Variants in UBA2 observed in about 807,000 individuals in gnomAD.
The protein encoded by UBA2 is SUMO-activating enzyme subunit 2.
Under a neutral mutation model 77.2 loss-of-function variants are expected in UBA2, and 11 were observed. The ratio of observed to expected loss-of-function variants is 0.14; its 90% confidence interval spans 0.09 to 0.24. UBA2 has a LOEUF of 0.24. Among genes scored for constraint, UBA2 ranks in the 10% least tolerant of loss-of-function variants. The probability of loss-of-function intolerance (pLI) is 1.00; values close to 1 mark genes in which losing one functional copy is unlikely to be tolerated. For missense variants in UBA2, 487 were observed against 781.7 expected (o/e 0.62, Z 4.50); for synonymous variants, 278 against 276.7 (o/e 1.00, Z -0.05).
chr19:34,438,532 C>A (rs1262318961), intron 5 of UBA2, 113 bp from the exon 6 acceptor site: 3 of 1,336,462 alleles, frequency 2.2e-6, no homozygotes, highest in Non-Finnish European at 3.1e-6. Context: ...TTAAAATTTC[C>A]TTGACAACGT....
chr19:34,451,813 T>C (rs757143338), intron 9 of UBA2, among the ~76,000 whole-genome samples, 168 bp from the exon 10 acceptor site: 64 of 152,176 alleles, frequency 4.2e-4, no homozygotes, highest in Non-Finnish European at 8.1e-4. Context: ...CCCAAAGTGC[T>C]GGGATTACAG....
At chr19:34,429,276 GTA>G in intron 1 of UBA2, 1 of 983,104 alleles carries the variant, frequency 1.0e-6, no homozygotes, top group Non-Finnish European at 1.2e-6. Flanking sequence ...TTGCATTGGT[GTA>G]CGTTGACAAG....
intron 6 of UBA2, 80 bp from the exon 7 acceptor site, chr19:34,443,764 A>G: frequency 1.0e-6 from 1 of 1,004,856 alleles, no homozygotes; most frequent in South Asian, 1.3e-5. Context: ...TATCTCTGCT[A>G]AATATTTGGA....
intron 12 of UBA2, among the ~76,000 whole-genome samples, chr19:34,456,100 C>CT (rs869118014): frequency 0.038 from 2,126 of 55,752 alleles, 416 homozygotes; most frequent in African/African-American, 0.11. Context: ...TTTTCCTTTT[C>CT]TTTTTCTTTT....
In UBA2 at chr19:34,455,815, G is replaced by A. The variant is rs369593839; in HGVS notation, c.1245+1259G>A. On this transcript the variant is annotated intron_variant, in intron 12 of 16. Transcript: ENST00000246548. ...CATGCCACCATGCCGGCTAATTTTTGTATTTTTAGTAGAGACGGGTTTCAC... is the reference window on the plus strand; with the variant it reads ...CATGCCACCATGCCGGCTAATTTTTATATTTTTAGTAGAGACGGGTTTCAC... 1.6e-4 allele frequency among the ~76,000 whole-genome samples: 25 copies of A among 152,088 alleles called. No individual in the cohort carries two copies. The East Asian group carries it at 4.7e-3, about 28-fold the overall frequency.
At chr19:34,440,409 C>G (rs1045894389) in intron 6 of UBA2, among the ~76,000 whole-genome samples, 6 of 152,050 alleles carry the variant, frequency 3.9e-5, no homozygotes, top group African/African-American at 1.2e-4. Context: ...TGCACCGAAC[C>G]TATGTTATTT....
Position 34,428,420 on chromosome 19 carries a change from T to A in UBA2, c.-13T>A, listed in dbSNP as rs2075209831. The A allele has an allele frequency of 8.0e-7, 1 of 1,250,852 alleles. No homozygotes were observed. The allele number at this position is 1,250,852 out of a possible 1,614,324, so 77.5% of individuals were successfully genotyped here. On this transcript the variant is annotated 5_prime_UTR_variant, in exon 1 of 17. Transcript: ENST00000246548. ...CCGCCTCCGCCTCCGCCGCGGCTCG[T>A]GGTTGTCCCGCCATGGCACTGTCGC...
At chr19:34,445,231 T>C in intron 8 of UBA2, 110 bp downstream of exon 8, 1 of 1,124,352 alleles carries the variant, frequency 8.9e-7, no homozygotes, top group South Asian at 1.6e-5. Context: ...TAAGCTTCTA[T>C]GTATATGCCT....
intron 10 of UBA2, among the ~76,000 whole-genome samples, chr19:34,453,268 T>C (rs1177087716): frequency 6.6e-6 from 1 of 152,230 alleles, no homozygotes; most frequent in Non-Finnish European, 1.5e-5. Flanking sequence ...TATTTTTTCT[T>C]CTGTTCTGTG....
At chr19:34,454,389 C>T in intron 11 of UBA2, 36 bp downstream of exon 11, 7 of 1,585,254 alleles carry the variant, frequency 4.4e-6, no homozygotes, top group Non-Finnish European at 6.0e-6. Flanking sequence ...TCACTAAAAC[C>T]TTGAAGTTGT....
chr19:34,434,249 T>G (rs2075286391), intron 4 of UBA2, among the ~76,000 whole-genome samples: 1 of 152,178 alleles, frequency 6.6e-6, no homozygotes, highest in Non-Finnish European at 1.5e-5. Context: ...GTAGCTACTC[T>G]GCAGACAGGT....
At position 34,439,178 on chromosome 19, in the gene UBA2, A is replaced by C. The variant is rs1006539848; in HGVS notation, c.581+412A>C. 2.0e-5 allele frequency among the ~76,000 whole-genome samples: 3 copies of C among 151,102 alleles called. No homozygotes were observed. The Admixed American group carries it at 2.0e-4, about 10-fold the overall frequency. ...AGCCGAGATCGCGCCACTGCACTCC[A>C]GCTTGGCAACAGAGTGAGAATTTGT... On this transcript the variant is annotated intron_variant, in intron 6 of 16. Coordinates refer to ENST00000246548, the MANE Select transcript of UBA2 (RefSeq NM_005499.3).
intron 7 of UBA2, among the ~76,000 whole-genome samples, chr19:34,444,627 C>T (rs918552069): frequency 2.6e-5 from 4 of 152,072 alleles, no homozygotes; most frequent in African/African-American, 9.7e-5. Context: ...GCCAACATGG[C>T]AAAACCCTGT....
intron 8 of UBA2, among the ~76,000 whole-genome samples, chr19:34,447,068 A>G (rs1033227960): frequency 1.3e-5 from 2 of 152,178 alleles, no homozygotes; most frequent in African/African-American, 4.8e-5. Context: ...AGGCCCAACA[A>G]TAGGCCCATC....
chr19:34,455,985 C>T (rs1207704980), intron 12 of UBA2, among the ~76,000 whole-genome samples: 1 of 151,394 alleles, frequency 6.6e-6, no homozygotes, highest in Non-Finnish European at 1.5e-5. Flanking sequence ...CTATGTTGTC[C>T]GGGTTGGTCC....
chr19:34,453,013 TAAAG>T (rs1247614377), intron 10 of UBA2, among the ~76,000 whole-genome samples: 2 of 152,190 alleles, frequency 1.3e-5, no homozygotes, highest in East Asian at 1.9e-4. Flanking sequence ...AGAGGCTAAA[TAAAG>T]AGCCCTTGGA....
In UBA2 at chr19:34,438,674, T is replaced by A; in HGVS notation, c.489T>A (p.Pro163=). Residue 163 remains proline, a synonymous_variant, in exon 6 of 17, where the codon CCT becomes CCA. Transcript: ENST00000246548. ...TGACCGAGTGTTATGAGTGTCATCC[T>A]AAGCCGACCCAGAGAACCTTTCCTG... ...KGVTECYECH[P]KPTQRTFPGC... 1 of 1,614,226 alleles carries A rather than the reference T, an allele frequency of 6.2e-7. No individual in the cohort carries two copies. The highest frequency in any genetic ancestry group is 8.5e-7 in the Non-Finnish European group (1 of 1,180,042).
chr19:34,449,179 C>T (rs867794280), intron 8 of UBA2, among the ~76,000 whole-genome samples: 30 of 150,574 alleles, frequency 2.0e-4, no homozygotes, highest in Middle Eastern at 6.8e-3. Flanking sequence ...AAGCGATTCT[C>T]CTGCCTCAGC....
chr19:34,464,372 A>G (rs769921817), intron 15 of UBA2, among the ~76,000 whole-genome samples: 3 of 152,148 alleles, frequency 2.0e-5, no homozygotes, highest in Non-Finnish European at 2.9e-5. Flanking sequence ...AACCTGGCCA[A>G]CACGGTGAAA....
Sources: gnomAD v4.1 joint callset for allele counts (sites outside exome capture counted in the v4.1 genomes callset) on GRCh38, gnomAD v4.1.1 for gene constraint, MANE v1.5 for transcripts, NCBI Gene and HGNC (gene_info 2026-07-23, HGNC 2026-07-21) for gene names.